INSL6: variants seen among roughly 807,000 people sequenced by gnomAD.
INSL6 encodes insulin like 6, also known as insulin-like peptide INSL6.
A neutral mutation model predicts 9.4 loss-of-function variants in INSL6; 16 were observed. That is an observed-to-expected ratio of 1.70 (90% CI 1.15 to 2.59). The LOEUF (loss-of-function observed/expected upper bound fraction) is 2.59. INSL6 is among the 30% of genes most tolerant of loss of function. INSL6 has a pLI of 0.00. For missense variants in INSL6, 391 were observed against 257.3 expected (o/e 1.52, Z -3.56); for synonymous variants, 154 against 96.9 (o/e 1.59, Z -3.46).
intron 2 of INSL6, among the ~76,000 whole-genome samples, chr9:5,154,429 T>C (rs1238734831): frequency 2.6e-5 from 4 of 152,108 alleles, no homozygotes; most frequent in Non-Finnish European, 5.9e-5. Context: ...ACTTCATGTC[T>C]AAAACACCAA....
the INSL6 span, among the ~76,000 whole-genome samples, chr9:5,102,727 G>A: frequency 6.6e-6 from 1 of 152,166 alleles, no homozygotes; most frequent in Non-Finnish European, 1.5e-5. Context: ...GAAGAGAGTG[G>A]AGGCCAATAT....
the INSL6 span, among the ~76,000 whole-genome samples, chr9:5,061,856 G>C: frequency 3.9e-5 from 6 of 152,192 alleles, no homozygotes; most frequent in African/African-American, 1.4e-4. Context: ...TTTAAAGTGA[G>C]AGATGGGTGA....
chr9:5,116,461 A>C, the INSL6 span, among the ~76,000 whole-genome samples: 1 of 152,238 alleles, frequency 6.6e-6, no homozygotes, highest in Non-Finnish European at 1.5e-5. Flanking sequence ...CTAAAAAGTA[A>C]GACTCATCTA....
chr9:5,015,782 A>C, the INSL6 span, among the ~76,000 whole-genome samples: 3 of 152,166 alleles, frequency 2.0e-5, no homozygotes, highest in Non-Finnish European at 4.4e-5. Flanking sequence ...AATTCGGGAA[A>C]CATTTACTGA....
chr9:5,136,903 GA>G (rs60878301), intron 2 of INSL6, among the ~76,000 whole-genome samples: 1,541 of 152,312 alleles, frequency 0.01, 18 homozygotes, highest in African/African-American at 0.036. Context: ...TCCTTAAGCT[GA>G]TAAGCAACTT....
chr9:5,040,154 A>G, the INSL6 span, among the ~76,000 whole-genome samples: 2 of 152,200 alleles, frequency 1.3e-5, no homozygotes, highest in African/African-American at 4.8e-5. Flanking sequence ...AATTTCTCAC[A>G]TTGATGGTGA....
chr9:4,994,524 G>A, the INSL6 span, among the ~76,000 whole-genome samples: 1 of 152,304 alleles, frequency 6.6e-6, no homozygotes, highest in East Asian at 1.9e-4. Context: ...ACCAGGGATT[G>A]GCAAGATTTT....
intron 2 of INSL6, among the ~76,000 whole-genome samples, chr9:5,154,462 A>T (rs531648798): frequency 1.3e-5 from 2 of 152,292 alleles, no homozygotes; most frequent in Admixed American, 1.3e-4. Context: ...CAAAAGCCAA[A>T]ATTGACAAAT....
At chr9:5,148,770 T>A (rs1824652176) in intron 2 of INSL6, among the ~76,000 whole-genome samples, 1 of 152,086 alleles carries the variant, frequency 6.6e-6, no homozygotes. Context: ...ACATTTGGGG[T>A]TGGGTTCCTG....
chr9:5,003,661 T>C, the INSL6 span, among the ~76,000 whole-genome samples: 1 of 152,070 alleles, frequency 6.6e-6, no homozygotes, highest in Middle Eastern at 3.2e-3. Context: ...TACTGACAAT[T>C]TTACTTATCC....
At chr9:5,135,370 T>A (rs1473878993) in intron 2 of INSL6, among the ~76,000 whole-genome samples, 1 of 150,434 alleles carries the variant, frequency 6.6e-6, no homozygotes, top group African/African-American at 2.4e-5. Context: ...ACCACATAAT[T>A]GGAAGTAAAA....
At chr9:5,048,327 G>C in the INSL6 span, among the ~76,000 whole-genome samples, 1 of 152,014 alleles carries the variant, frequency 6.6e-6, no homozygotes, top group Non-Finnish European at 1.5e-5. Context: ...ATTTTTAGTA[G>C]AGATGGGGTT....
chr9:4,999,641 TG>T, the INSL6 span, among the ~76,000 whole-genome samples: 2 of 152,138 alleles, frequency 1.3e-5, no homozygotes, highest in Non-Finnish European at 2.9e-5. Flanking sequence ...GTCTCAAAAC[TG>T]AAGAACTTGG....
the INSL6 span, chr9:5,066,691 A>G: frequency 1.9e-6 from 3 of 1,599,304 alleles, no homozygotes; most frequent in African/African-American, 1.3e-5. Flanking sequence ...GGATTTTGCC[A>G]TTAGTAAACT....
chr9:5,174,382 A>T (rs181059981), intron 1 of INSL6, among the ~76,000 whole-genome samples: 8 of 152,314 alleles, frequency 5.3e-5, no homozygotes, highest in Admixed American at 4.6e-4. Context: ...AACTTCTCTT[A>T]TGAAGGTCAC....
the INSL6 span, among the ~76,000 whole-genome samples, chr9:4,996,804 T>C: frequency 1.3e-5 from 2 of 152,258 alleles, no homozygotes; most frequent in African/African-American, 2.4e-5. Context: ...AAATGAAATA[T>C]ACCTCCATTG....
the INSL6 span, among the ~76,000 whole-genome samples, chr9:4,998,613 T>C: frequency 3.3e-5 from 5 of 152,036 alleles, no homozygotes; most frequent in African/African-American, 1.2e-4. Flanking sequence ...GTTCACACTT[T>C]TTCTGTATGT....
downstream of INSL6, among the ~76,000 whole-genome samples, chr9:5,160,177 A>C (rs1824896463): frequency 1.6e-5 from 1 of 62,192 alleles, no homozygotes. Flanking sequence ...ACTCGGTCTC[A>C]AAAAAAAAAA....
chr9:5,039,004 C>T, the INSL6 span, among the ~76,000 whole-genome samples: 1 of 152,088 alleles, frequency 6.6e-6, no homozygotes, highest in Non-Finnish European at 1.5e-5. Context: ...CAAGGAACTT[C>T]CTCAATTTGT....
Sources: allele counts gnomAD v4.1 joint callset (sites outside exome capture counted in the v4.1 genomes callset), GRCh38; gene constraint gnomAD v4.1.1; transcripts MANE v1.5; gene names NCBI Gene and HGNC (gene_info 2026-07-23, HGNC 2026-07-21).